FHAD1: variants seen among roughly 807,000 people sequenced by gnomAD.
FHAD1 encodes forkhead-associated domain-containing protein 1.
A neutral mutation model predicts 191.3 loss-of-function variants in FHAD1; 146 were observed. That is an observed-to-expected ratio of 0.76 (90% CI 0.67 to 0.88). The LOEUF (loss-of-function observed/expected upper bound fraction) is 0.88. FHAD1 is among the 40% of genes least tolerant of loss of function. The pLI, the probability that FHAD1 is intolerant of heterozygous loss-of-function variation, is 0.00. For synonymous variants in FHAD1, 616 were observed against 672.3 expected (o/e 0.92, Z 1.29); for missense variants, 1,635 against 1,785.8 (o/e 0.92, Z 1.52).
At chr1:15,397,020 T>TAAAA (rs5772637) in intron 33 of FHAD1, among the ~76,000 whole-genome samples, 3 of 115,918 alleles carry the variant, frequency 2.6e-5, no homozygotes, top group South Asian at 5.9e-4. Context: ...CCGTCTCTAC[T>TAAAA]AAAAAAAAAA....
intron 33 of FHAD1, among the ~76,000 whole-genome samples, chr1:15,393,769 C>CTT (rs547494796): frequency 4.2e-5 from 6 of 144,098 alleles, no homozygotes; most frequent in East Asian, 2.0e-4. Context: ...CCCCTGGCCT[C>CTT]TTTTTTTTTT....
rs553014783 is a variant in FHAD1, at chr1:15,375,729, C to A, written c.3704C>A (p.Ala1235Glu). ...LPTLSRIEIL[A>E]PQNGLCNARF... ...ACTCTCTCAAGAATAGAGATCCTAGCGGTAACCAAAGAAAATTCTCTCTGC... is the reference window on the plus strand; with the variant it reads ...ACTCTCTCAAGAATAGAGATCCTAGAGGTAACCAAAGAAAATTCTCTCTGC... Residue 1235 changes from alanine (A) to glutamate (E), a missense_variant and splice_region_variant, in exon 28 of 34, where the codon GCG becomes GAG. Physicochemically the swap from Ala to Glu is moderately radical, Grantham distance 107. Transcript: ENST00000688493. 1.9e-5 allele frequency: 29 copies of A among 1,531,154 alleles called. No individual in the cohort carries two copies. The African/African-American group carries it at 3.9e-4, about 21-fold the overall frequency. 94.8% of individuals were successfully genotyped at this position (1,531,154 alleles called of 1,614,324 possible). A position where few individuals can be genotyped will look rare whatever the true frequency, so the allele number is the denominator to read the frequency against.
At chr1:15,365,068 T>G (rs1351764310) in intron 23 of FHAD1, among the ~76,000 whole-genome samples, 2 of 152,162 alleles carry the variant, frequency 1.3e-5, no homozygotes, top group African/African-American at 4.8e-5. Flanking sequence ...CATTCACATC[T>G]GGCCCCACCT....
At chr1:15,349,462 C>T (rs1178249580) in intron 19 of FHAD1, among the ~76,000 whole-genome samples, 1 of 152,210 alleles carries the variant, frequency 6.6e-6, no homozygotes, top group African/African-American at 2.4e-5. Flanking sequence ...GTTCAGCTAC[C>T]TAGGAAAGAG....
Position 15,375,638 on chromosome 1 carries a change from T to C in FHAD1, c.3613T>C (p.Leu1205=). 1 of 1,543,952 alleles carries C rather than the reference T, an allele frequency of 6.5e-7. No homozygotes were observed. Among genetic ancestry groups the C allele is most frequent in the Non-Finnish European group, 8.7e-7 (1 of 1,144,648 alleles). The change falls in exon 28 of 34, where the codon TTA becomes CTA. Residue 1205 remains leucine (L), a synonymous_variant. Coordinates refer to ENST00000688493, the MANE Select transcript of FHAD1 (RefSeq NM_001391957.1). ...KDHQNESFLD[L]KNLRMENNVQ... is the part of the protein sequence containing the mutation. ...CCACCAGAATGAATCATTTCTAGAT[T>C]TAAAGAACCTCAGAATGGAAAACAA...
chr1:15,313,684 T>C (rs1673006064), intron 8 of FHAD1, among the ~76,000 whole-genome samples: 1 of 152,198 alleles, frequency 6.6e-6, no homozygotes, highest in African/African-American at 2.4e-5. Context: ...CAAGTGCAGT[T>C]AGACAGACTT....
Position 15,285,008 on chromosome 1 carries a change from A to G in FHAD1, c.301-4391A>G, listed in dbSNP as rs189054900. Among the ~76,000 whole-genome samples the G allele has an allele frequency of 7.2e-5, 11 of 152,320 alleles. No individual in the cohort carries two copies. In the East Asian group the frequency reaches 2.1e-3, roughly 29 times the overall value. On this transcript the variant is annotated intron_variant, in intron 3 of 33. Transcript: ENST00000688493. ...TATTTCTAAGCCAGACTTGTTGATAACTGACCTTGATCCCAAACTCTATGT... is the reference window on the plus strand; with the variant it reads ...TATTTCTAAGCCAGACTTGTTGATAGCTGACCTTGATCCCAAACTCTATGT...
intron 3 of FHAD1, among the ~76,000 whole-genome samples, chr1:15,279,541 G>A (rs1264016628): frequency 2.7e-5 from 3 of 110,270 alleles, no homozygotes; most frequent in African/African-American, 3.5e-5. Flanking sequence ...TAAACTTTCC[G>A]ATCCTTAAAA....
At chr1:15,269,483 T>C (rs987680126) in intron 2 of FHAD1, among the ~76,000 whole-genome samples, 2 of 152,238 alleles carry the variant, frequency 1.3e-5, no homozygotes, top group African/African-American at 4.8e-5. Flanking sequence ...ATCTTTCTGT[T>C]ACTGATTTCA....
chr1:15,397,167 G>A (rs1012878949), intron 33 of FHAD1, 130 bp from the exon 34 acceptor site: 36 of 432,760 alleles, frequency 8.3e-5, no homozygotes, highest in Non-Finnish European at 1.4e-4. Flanking sequence ...CTCCAGCCTG[G>A]GCGATAGAGC....
Position 15,386,849 on chromosome 1 carries a change from CT to C in FHAD1, c.4189-1191del, listed in dbSNP as rs59453670. Among the ~76,000 whole-genome samples, 219 of 144,058 alleles carry C rather than the reference CT, an allele frequency of 1.5e-3. 1 individual carries two copies. The South Asian group carries it at 0.019, about 13-fold the overall frequency. 94.5% of individuals were successfully genotyped at this position (144,058 alleles called of 152,430 possible). On this transcript the variant is annotated intron_variant, in intron 31 of 33. Transcript: ENST00000688493. ...CTTTTTCTTTTTTTTTCCTTTCTTT[CT>C]TTTTTTTTTTGTTTGTTTGTTTATT...
Position 15,388,115 on chromosome 1 carries a change from A to C in FHAD1, c.4253A>C (p.Lys1418Thr). The C allele has an allele frequency of 1.6e-6, 2 of 1,289,792 alleles. No homozygotes were observed. The highest frequency in any genetic ancestry group is 1.0e-6 in the Non-Finnish European group (1 of 988,776). The allele number at this position is 1,289,792 out of a possible 1,614,324, so 79.9% of individuals were successfully genotyped here. The change falls in exon 32 of 34, where the codon AAA becomes ACA. Residue 1418 changes from lysine (K) to threonine (T), a missense_variant. Transcript: ENST00000688493. ...KESTPCNCAF[K>T]EKDRQRRVFV... ...TCGACACCTTGCAACTGTGCCTTCA[A>C]AGAGAAAGACAGGCAGGTATGGGAG...
intron 25 of FHAD1, 147 bp from the exon 26 acceptor site, chr1:15,369,223 T>G: frequency 9.6e-7 from 1 of 1,044,772 alleles, no homozygotes; most frequent in Non-Finnish European, 1.4e-6. Context: ...TGAAACTGAA[T>G]TCTCTAGAAA....
In FHAD1 at chr1:15,289,766, T is replaced by C; in HGVS notation, c.568+100T>C. On this transcript the variant is annotated intron_variant, in intron 4 of 33. Coordinates refer to ENST00000688493, the MANE Select transcript of FHAD1 (RefSeq NM_001391957.1). This position sits in a 1 kb window ranked among gnomAD's most constrained non-coding sequence, Gnocchi z 4.2. ...TTTCTGATTCTAAAAGTAGAACATATTCAATTGTAAAAAATGAAAATAAAT... is the reference window on the plus strand; with the variant it reads ...TTTCTGATTCTAAAAGTAGAACATACTCAATTGTAAAAAATGAAAATAAAT... The C allele has an allele frequency of 7.1e-7, 1 of 1,409,732 alleles. No individual in the cohort carries two copies. Among genetic ancestry groups the C allele is most frequent in the Non-Finnish European group, 9.3e-7 (1 of 1,070,176 alleles). The allele number at this position is 1,409,732 out of a possible 1,614,324, so 87.3% of individuals were successfully genotyped here.
chr1:15,313,427 C>T (rs565608881), intron 8 of FHAD1, among the ~76,000 whole-genome samples: 3 of 152,294 alleles, frequency 2.0e-5, no homozygotes, highest in African/African-American at 4.8e-5. Flanking sequence ...CAAAGATCGG[C>T]GTGCACGTGC....
chr1:15,258,516 T>G (rs1248855210), intron 2 of FHAD1, among the ~76,000 whole-genome samples: 1 of 152,168 alleles, frequency 6.6e-6, no homozygotes, highest in Non-Finnish European at 1.5e-5. Context: ...ACACTTGGGT[T>G]GCTTCCAGCT....
In FHAD1 at chr1:15,272,445, G is replaced by A; in HGVS notation, c.216G>A (p.Val72=). 1 of 1,551,558 alleles carries A rather than the reference G, an allele frequency of 6.4e-7. No homozygotes were observed. The highest frequency in any genetic ancestry group is 1.2e-5 in the South Asian group (1 of 84,046). ...TFVNECHIQN[V]AVKLIPGDIL... is the part of the protein sequence containing the mutation. ...TCAACGAGTGCCACATTCAAAACGT[G>A]GCTGTGAAGCTCATCCCTGGAGACA... Residue 72 remains valine, a synonymous_variant, in exon 3 of 34, where the codon GTG becomes GTA. Transcript: ENST00000688493.
chr1:15,308,851 C>CA (rs1671378806), intron 7 of FHAD1, 115 bp downstream of exon 7: 1 of 1,458,432 alleles, frequency 6.9e-7, no homozygotes, highest in African/African-American at 1.4e-5. Flanking sequence ...GCTGCAGCCT[C>CA]AGAGTTCTTC....
At position 15,296,917 on chromosome 1, in the gene FHAD1, C is replaced by T. The variant is rs2100792639; in HGVS notation, c.678+124C>T. The stretch of plus-strand genomic sequence containing the variant: ...CCTGCTTCCAAGAAACCACCTCTTA[C>T]TCCCCAAGACATTCAACCAAATGTT... On this transcript the variant is annotated intron_variant, in intron 5 of 33. Coordinates refer to ENST00000688493, the MANE Select transcript of FHAD1 (RefSeq NM_001391957.1). The T allele has an allele frequency of 4.4e-6, 3 of 675,026 alleles. No individual in the cohort carries two copies. In the South Asian group the frequency reaches 5.8e-5, roughly 13 times the overall value. 41.8% of individuals were successfully genotyped at this position (675,026 alleles called of 1,614,324 possible).
Sources: gnomAD v4.1 joint callset for allele counts (sites outside exome capture counted in the v4.1 genomes callset) on GRCh38, gnomAD v4.1.1 for gene constraint, Gnocchi (gnomAD v3.1) non-coding constraint, MANE v1.5 for transcripts, NCBI Gene and HGNC (gene_info 2026-07-23, HGNC 2026-07-21) for gene names.